ZNF680: variants seen among roughly 807,000 people sequenced by gnomAD.
ZNF680 encodes the protein zinc finger protein 680.
In ZNF680, 6 loss-of-function variants were observed where a neutral mutation model predicts 12.1. The ratio of observed to expected loss-of-function variants is 0.49; its 90% CI spans 0.27 to 0.98. The LOEUF (loss-of-function observed/expected upper bound fraction) is 0.98. ZNF680 is among the 50% of genes least tolerant of loss of function. The probability of loss-of-function intolerance (pLI) is 0.12; values close to 1 mark genes in which losing one functional copy is unlikely to be tolerated. For synonymous variants in ZNF680, 170 were observed against 199.3 expected (o/e 0.85, Z 1.24); for missense variants, 561 against 616.3 (o/e 0.91, Z 0.95).
At chr7:64,543,644 T>C in intron 3 of ZNF680, 63 bp downstream of exon 3, 2 of 1,390,774 alleles carry the variant, frequency 1.4e-6, no homozygotes, top group African/African-American at 2.9e-5. Flanking sequence ...GAACTGACTT[T>C]CTCTTTGACA....
intron 1 of ZNF680, among the ~76,000 whole-genome samples, chr7:64,555,302 CCA>C (rs938465677): frequency 6.6e-6 from 1 of 151,744 alleles, no homozygotes; most frequent in African/African-American, 2.4e-5. Context: ...ATTACACCAA[CCA>C]CACACACAGA....
At chr7:64,518,558 T>G (rs1584340641), downstream of ZNF680, among the ~76,000 whole-genome samples, 3 of 151,874 alleles carry the variant, frequency 2.0e-5, no homozygotes, top group African/African-American at 7.2e-5. Context: ...CTTCACAGAA[T>G]GAGAAAAGAC....
chr7:64,531,731 T>C (rs953618513), intron 3 of ZNF680, among the ~76,000 whole-genome samples: 4 of 152,038 alleles, frequency 2.6e-5, no homozygotes, highest in African/African-American at 9.7e-5. Context: ...ATTTAAAAAT[T>C]TGTCTAACTG....
At chr7:64,535,509 AATATG>A (rs1786116948) in intron 3 of ZNF680, among the ~76,000 whole-genome samples, 1 of 152,152 alleles carries the variant, frequency 6.6e-6, no homozygotes, top group Non-Finnish European at 1.5e-5. Context: ...AAAAGCATAC[AATATG>A]TTCTCTATAC....
the ZNF680 span, among the ~76,000 whole-genome samples, chr7:64,511,154 C>T: frequency 6.6e-6 from 1 of 151,796 alleles, no homozygotes; most frequent in Non-Finnish European, 1.5e-5. Context: ...CCTGTAATCC[C>T]AGCTACTTGG....
intron 3 of ZNF680, among the ~76,000 whole-genome samples, chr7:64,539,124 C>G (rs1786338268): frequency 1.0e-5 from 1 of 100,128 alleles, no homozygotes; most frequent in Non-Finnish European, 1.9e-5. Context: ...GAGCAAGACT[C>G]CATCTCAAAA....
intron 1 of ZNF680, among the ~76,000 whole-genome samples, chr7:64,562,569 T>C (rs987532517): frequency 6.6e-6 from 1 of 152,198 alleles, no homozygotes; most frequent in Non-Finnish European, 1.5e-5. Flanking sequence ...TCCATGAATT[T>C]TTAATAGAAA....
chr7:64,522,933 A>G (rs952857405), intron 3 of ZNF680, among the ~76,000 whole-genome samples: 20 of 148,862 alleles, frequency 1.3e-4, no homozygotes, highest in Admixed American at 3.4e-4. Context: ...TACAAAATGG[A>G]AAAAAAAAAG....
intron 3 of ZNF680, among the ~76,000 whole-genome samples, chr7:64,543,471 T>C (rs750032585): frequency 1.9e-4 from 29 of 152,302 alleles, no homozygotes; most frequent in African/African-American, 6.3e-4. Flanking sequence ...AAAGAGGACT[T>C]TGGCTTACAG....
chr7:64,515,633 A>G (rs951975365), downstream of ZNF680, among the ~76,000 whole-genome samples: 3 of 152,148 alleles, frequency 2.0e-5, no homozygotes, highest in Admixed American at 2.0e-4. Context: ...GCCTAAAAAC[A>G]TGCCCACAAC....
At chr7:64,505,976 A>C in the ZNF680 span, among the ~76,000 whole-genome samples, 1 of 152,060 alleles carries the variant, frequency 6.6e-6, no homozygotes, top group African/African-American at 2.4e-5. Context: ...AGCACCTCTG[A>C]TTCAGTTTAG....
chr7:64,504,988 A>G, the ZNF680 span, among the ~76,000 whole-genome samples: 1 of 152,346 alleles, frequency 6.6e-6, no homozygotes, highest in Non-Finnish European at 1.5e-5. Flanking sequence ...TGTGTTATGT[A>G]GCATGCATTT....
At chr7:64,538,999 T>C (rs1444049236) in intron 3 of ZNF680, among the ~76,000 whole-genome samples, 1 of 151,564 alleles carries the variant, frequency 6.6e-6, no homozygotes, top group East Asian at 1.9e-4. Flanking sequence ...GGTGTGGTGG[T>C]GGGTGCCTGT....
chr7:64,560,306 G>A (rs189761500), intron 1 of ZNF680, among the ~76,000 whole-genome samples: 2 of 151,956 alleles, frequency 1.3e-5, no homozygotes, highest in African/African-American at 4.8e-5. Flanking sequence ...TAGCGACAAG[G>A]CTTCACCATG....
intron 3 of ZNF680, among the ~76,000 whole-genome samples, chr7:64,542,725 C>T (rs540647553): frequency 6.6e-6 from 1 of 152,104 alleles, no homozygotes; most frequent in African/African-American, 2.4e-5. Flanking sequence ...TTTTTTGAGA[C>T]AGAGTCTCTG....
At chr7:64,526,540 G>A in intron 3 of ZNF680, 2 of 487,692 alleles carry the variant, frequency 4.1e-6, no homozygotes, top group Non-Finnish European at 7.0e-6. Context: ...AAACAGAAAT[G>A]CTAAAATGAG....
At chr7:64,546,361 C>A (rs560291195) in intron 1 of ZNF680, among the ~76,000 whole-genome samples, 1 of 152,270 alleles carries the variant, frequency 6.6e-6, no homozygotes, top group South Asian at 2.1e-4. Context: ...GGCAGAAAAA[C>A]CAAAACCTGG....
the ZNF680 span, among the ~76,000 whole-genome samples, chr7:64,499,875 T>C: frequency 6.6e-6 from 1 of 152,222 alleles, no homozygotes; most frequent in Non-Finnish European, 1.5e-5. Flanking sequence ...AATAGGCACA[T>C]TCTTTTCCCT....
At chr7:64,503,527 C>A in the ZNF680 span, among the ~76,000 whole-genome samples, 17 of 152,106 alleles carry the variant, frequency 1.1e-4, no homozygotes, top group South Asian at 3.3e-3. Context: ...ATTATAGGCA[C>A]ACGCTACCAC....
Sources: allele counts gnomAD v4.1 joint callset (sites outside exome capture counted in the v4.1 genomes callset), GRCh38; gene constraint gnomAD v4.1.1; transcripts MANE v1.5; gene names NCBI Gene and HGNC (gene_info 2026-07-23, HGNC 2026-07-21).